Variants in PLEKHH2 observed in about 807,000 individuals in gnomAD.
PLEKHH2 encodes pleckstrin homology, MyTH4 and FERM domain containing H2.
A neutral mutation model predicts 187.9 loss-of-function variants in PLEKHH2; 129 were observed. The ratio of observed to expected loss-of-function variants is 0.69; its 90% confidence interval spans 0.59 to 0.79. The LOEUF (loss-of-function observed/expected upper bound fraction) is 0.79, where lower values mean the gene tolerates loss of function less well. PLEKHH2 is among the 30% of genes least tolerant of loss of function. PLEKHH2 has a pLI of 0.00. For missense variants in PLEKHH2, 2,076 were observed against 1,751.2 expected (o/e 1.19, Z -3.31); for synonymous variants, 686 against 605.6 (o/e 1.13, Z -1.95).
Position 43,729,724 on chromosome 2 carries a change from C to T in PLEKHH2, c.2809C>T (p.Leu937=), listed in dbSNP as rs145833288. The change falls in exon 18 of 30, where the codon CTA becomes TTA. Residue 937 remains leucine (L), a synonymous_variant. Transcript: ENST00000282406. ...SEFEQLVCKL[L]NIDGEPSSQI... is the part of the protein sequence containing the mutation. ...ATTTGAACAACTGGTTTGCAAATTGCTAAATATAGACGGGGAGCCTTGTAA... is the reference window on the plus strand; with the variant it reads ...ATTTGAACAACTGGTTTGCAAATTGTTAAATATAGACGGGGAGCCTTGTAA... 6.4e-5 allele frequency: 103 copies of T among 1,603,104 alleles called. No homozygotes were observed. The highest frequency in any genetic ancestry group is 7.8e-5 in the Non-Finnish European group (92 of 1,175,396).
chr2:43,657,350 C>T (rs533722730), intron 2 of PLEKHH2, among the ~76,000 whole-genome samples: 9 of 152,280 alleles, frequency 5.9e-5, no homozygotes, highest in Admixed American at 3.3e-4. Context: ...TGATTTCACT[C>T]ACATATCTGA....
intron 19 of PLEKHH2, among the ~76,000 whole-genome samples, chr2:43,733,642 C>T (rs113459607): frequency 5.9e-5 from 9 of 152,074 alleles, no homozygotes; most frequent in African/African-American, 2.2e-4. Context: ...AAATCTTTAT[C>T]AACTGGAGAT....
At chr2:43,647,779 G>T (rs977023708) in intron 2 of PLEKHH2, among the ~76,000 whole-genome samples, 1 of 152,062 alleles carries the variant, frequency 6.6e-6, no homozygotes, top group East Asian at 1.9e-4. Flanking sequence ...GCAGGCCCAA[G>T]GGTGAAGATT....
At chr2:43,710,400 C>G (rs1669900940) in intron 13 of PLEKHH2, 70 bp downstream of exon 13, 2 of 1,583,718 alleles carry the variant, frequency 1.3e-6, no homozygotes, top group African/African-American at 2.7e-5. Flanking sequence ...GATTGATTTC[C>G]TTCCCATAAT....
chr2:43,712,087 T>A, intron 14 of PLEKHH2, 138 bp from the exon 15 acceptor site: 1 of 1,325,484 alleles, frequency 7.5e-7, no homozygotes, highest in Non-Finnish European at 1.0e-6. Context: ...ATGGAGTCAT[T>A]TATTTAGAAA....
intron 6 of PLEKHH2, among the ~76,000 whole-genome samples, chr2:43,696,499 A>C (rs1669098040): frequency 6.6e-6 from 1 of 151,716 alleles, no homozygotes; most frequent in African/African-American, 2.4e-5. Context: ...AAAAAAAAAA[A>C]AAAAGTCCAA....
intron 5 of PLEKHH2, 76 bp downstream of exon 5, chr2:43,694,590 T>G: frequency 7.1e-7 from 1 of 1,407,614 alleles, no homozygotes; most frequent in Non-Finnish European, 9.4e-7. Flanking sequence ...AATATGTGAT[T>G]ACTCTGAGTA....
At chr2:43,678,465 C>T (rs982070177) in intron 2 of PLEKHH2, among the ~76,000 whole-genome samples, 10 of 152,338 alleles carry the variant, frequency 6.6e-5, no homozygotes, top group South Asian at 2.1e-4. Context: ...CCCGGCACCT[C>T]AGGAGGCCGA....
At chr2:43,703,894 A>G in intron 8 of PLEKHH2, 87 bp from the exon 9 acceptor site, 1 of 841,778 alleles carries the variant, frequency 1.2e-6, no homozygotes, top group Non-Finnish European at 1.9e-6. Flanking sequence ...AACAAATGAA[A>G]AACATGTGTA....
At chr2:43,653,520 C>T (rs912923520) in intron 2 of PLEKHH2, among the ~76,000 whole-genome samples, 1 of 152,122 alleles carries the variant, frequency 6.6e-6, no homozygotes, top group South Asian at 2.1e-4. Flanking sequence ...TGAGGACTCT[C>T]CAGAAGGAGT....
In PLEKHH2 at chr2:43,709,500, C is replaced by G. The variant is rs1368922355; in HGVS notation, c.1967-490C>G. Reference sequence around the variant, plus strand: ...AAATAGCTGTGTGATTGTAATCATACCAAAATATTATTCCTGTTCCTTTCA... The same window carrying G: ...AAATAGCTGTGTGATTGTAATCATAGCAAAATATTATTCCTGTTCCTTTCA... On this transcript the variant is annotated intron_variant, in intron 11 of 29. Coordinates refer to ENST00000282406, the MANE Select transcript of PLEKHH2 (RefSeq NM_172069.4). Among the ~76,000 whole-genome samples, 3 of 151,994 alleles carry G rather than the reference C, an allele frequency of 2.0e-5. No homozygotes were observed. The South Asian group carries it at 6.2e-4, about 32-fold the overall frequency.
chr2:43,694,357 G>A, intron 4 of PLEKHH2, 74 bp from the exon 5 acceptor site: 1 of 1,450,980 alleles, frequency 6.9e-7, no homozygotes, highest in Non-Finnish European at 9.2e-7. Context: ...GATATGCCTT[G>A]TATATTTATG....
chr2:43,764,154 A>T, intron 28 of PLEKHH2, 74 bp from the exon 29 acceptor site: 1 of 868,212 alleles, frequency 1.2e-6, no homozygotes, highest in Non-Finnish European at 1.6e-6. Context: ...TAATGGAGAT[A>T]TATTATTAAT....
At chr2:43,707,689 A>G (rs1669729852) in intron 11 of PLEKHH2, 144 bp downstream of exon 11, 3 of 842,908 alleles carry the variant, frequency 3.6e-6, no homozygotes, top group Non-Finnish European at 5.3e-6. Flanking sequence ...TATGACTGAT[A>G]TGTTTATATT....
intron 20 of PLEKHH2, 115 bp from the exon 21 acceptor site, chr2:43,740,831 A>G: frequency 6.9e-7 from 1 of 1,446,112 alleles, no homozygotes; most frequent in South Asian, 1.6e-5. Context: ...GCATATGTGA[A>G]AGAAGCAAAA....
intron 2 of PLEKHH2, among the ~76,000 whole-genome samples, chr2:43,645,893 G>C (rs1666160101): frequency 6.6e-6 from 1 of 152,108 alleles, no homozygotes; most frequent in African/African-American, 2.4e-5. Context: ...TTTTGGGATG[G>C]AGATTGGTAC....
intron 22 of PLEKHH2, 29 bp from the exon 23 acceptor site, chr2:43,743,805 A>G: frequency 6.3e-7 from 1 of 1,583,614 alleles, no homozygotes; most frequent in Non-Finnish European, 8.6e-7. Context: ...ATTTCTTATT[A>G]AGAGAACTGC....
chr2:43,738,822 A>T (rs777463463), intron 20 of PLEKHH2, among the ~76,000 whole-genome samples: 1 of 152,210 alleles, frequency 6.6e-6, no homozygotes, highest in Non-Finnish European at 1.5e-5. Flanking sequence ...TCAAAACATT[A>T]ATGGTCATGT....
intron 2 of PLEKHH2, among the ~76,000 whole-genome samples, chr2:43,660,557 G>A (rs1484318915): frequency 1.4e-5 from 2 of 144,510 alleles, no homozygotes; most frequent in African/African-American, 5.3e-5. Context: ...CCATGCTGGT[G>A]CGCTGCACCC....
Sources: gnomAD v4.1 joint callset for allele counts (sites outside exome capture counted in the v4.1 genomes callset) on GRCh38, gnomAD v4.1.1 for gene constraint, MANE v1.5 for transcripts, NCBI Gene and HGNC (gene_info 2026-07-23, HGNC 2026-07-21) for gene names.